FHIT: variants seen among roughly 807,000 people sequenced by gnomAD.
FHIT encodes fragile histidine triad diadenosine triphosphatase.
FHIT carries 19 observed loss-of-function variants against 17.9 expected under a neutral mutation model. That is an observed-to-expected ratio of 1.06 (90% confidence interval 0.74 to 1.56). The LOEUF (loss-of-function observed/expected upper bound fraction) is 1.56, where lower values mean the gene tolerates loss of function less well. Ranked by LOEUF, FHIT falls within the 40% of genes most tolerant of loss-of-function variation. FHIT has a pLI of 0.00. For synonymous variants in FHIT, 81 were observed against 69.7 expected (o/e 1.16, Z -0.81); for missense variants, 248 against 189.2 (o/e 1.31, Z -1.82).
chr3:60,127,260 A>T (rs1276794161), intron 5 of FHIT, among the ~76,000 whole-genome samples: 1 of 152,182 alleles, frequency 6.6e-6, no homozygotes, highest in East Asian at 1.9e-4. Flanking sequence ...ATTAATGAGT[A>T]CCCAGACCTT....
intron 5 of FHIT, among the ~76,000 whole-genome samples, chr3:60,383,119 A>G (rs1700873167): frequency 6.6e-6 from 1 of 152,206 alleles, no homozygotes; most frequent in South Asian, 2.1e-4. Flanking sequence ...GGCATTGAAA[A>G]CAGAGCGACA....
chr3:59,856,609 C>T (rs1702167915), intron 8 of FHIT, among the ~76,000 whole-genome samples: 1 of 152,168 alleles, frequency 6.6e-6, no homozygotes. Context: ...TTCCAATATA[C>T]AAGTAGCAGT....
intron 3 of FHIT, among the ~76,000 whole-genome samples, chr3:60,871,451 C>T (rs1019628263): frequency 6.6e-6 from 1 of 152,058 alleles, no homozygotes; most frequent in African/African-American, 2.4e-5. Context: ...AATAACATAA[C>T]ACTGTCACCA....
At chr3:59,846,238 C>A (rs1489756609) in intron 8 of FHIT, among the ~76,000 whole-genome samples, 7 of 151,818 alleles carry the variant, frequency 4.6e-5, no homozygotes, top group Non-Finnish European at 7.4e-5. Context: ...GATTAAATTC[C>A]TTTTCGATTT....
intron 4 of FHIT, among the ~76,000 whole-genome samples, chr3:60,772,188 G>T (rs1700066961): frequency 6.6e-6 from 1 of 152,026 alleles, no homozygotes; most frequent in Non-Finnish European, 1.5e-5. Context: ...ATTTGGAATG[G>T]TTTTGCCCCC....
At chr3:59,949,517 G>C (rs10470622) in intron 7 of FHIT, among the ~76,000 whole-genome samples, 2 of 152,194 alleles carry the variant, frequency 1.3e-5, no homozygotes, top group Non-Finnish European at 2.9e-5. Flanking sequence ...CCATGGATAC[G>C]CAGGCTTGGG....
intron 3 of FHIT, among the ~76,000 whole-genome samples, chr3:60,861,200 A>G (rs781838687): frequency 2.6e-4 from 1 of 3,878 alleles, no homozygotes; most frequent in African/African-American, 9.1e-4. Context: ...TATATCATAT[A>G]TGATATATAT....
chr3:60,286,939 A>G (rs1259984436), intron 5 of FHIT, among the ~76,000 whole-genome samples: 1 of 152,196 alleles, frequency 6.6e-6, no homozygotes, highest in Non-Finnish European at 1.5e-5. Context: ...TTTTATATCT[A>G]CAGAGCAGAG....
At chr3:60,908,987 T>C (rs1706579062) in intron 3 of FHIT, among the ~76,000 whole-genome samples, 1 of 152,216 alleles carries the variant, frequency 6.6e-6, no homozygotes, top group Non-Finnish European at 1.5e-5. Context: ...ATTTTTAATG[T>C]AATTTTAATT....
intron 7 of FHIT, among the ~76,000 whole-genome samples, chr3:59,957,556 G>C (rs1159054259): frequency 6.6e-6 from 1 of 152,228 alleles, no homozygotes; most frequent in Non-Finnish European, 1.5e-5. Context: ...TCAGCACAAG[G>C]TAAGTATGCA....
At chr3:60,422,682 A>T (rs1227119461) in intron 5 of FHIT, among the ~76,000 whole-genome samples, 1 of 152,102 alleles carries the variant, frequency 6.6e-6, no homozygotes, top group Non-Finnish European at 1.5e-5. Context: ...GTAATGGAGA[A>T]AAAAGACTTA....
chr3:60,379,092 A>T (rs1017459599), intron 5 of FHIT, among the ~76,000 whole-genome samples: 1 of 152,226 alleles, frequency 6.6e-6, no homozygotes, highest in African/African-American at 2.4e-5. Flanking sequence ...TGAAAATGAG[A>T]GCACATTACT....
Position 60,154,743 on chromosome 3 carries a change from C to T in FHIT, c.104-140591G>A, listed in dbSNP as rs138951220. ...CACAATTAATCATTTTCTTCTACTA[C>T]ATAATCTCTGTGACAGTTTACTTAT... is the stretch of plus-strand genomic sequence containing the variant. On this transcript the variant is annotated intron_variant, in intron 5 of 9. Coordinates refer to ENST00000492590, the MANE Select transcript of FHIT (RefSeq NM_002012.4). Among the ~76,000 whole-genome samples, 285 of 152,296 alleles carry T rather than the reference C, an allele frequency of 1.9e-3. 2 individuals carry two copies. Among genetic ancestry groups the T allele is most frequent in the African/African-American group, 6.5e-3 (271 of 41,564 alleles).
chr3:61,223,526 C>T (rs1007749219), intron 1 of FHIT, among the ~76,000 whole-genome samples: 2 of 152,202 alleles, frequency 1.3e-5, no homozygotes, highest in African/African-American at 4.8e-5. Context: ...CTGACATTTT[C>T]TTTGGGGTAC....
intron 5 of FHIT, among the ~76,000 whole-genome samples, chr3:60,370,717 C>T (rs2107055668): frequency 6.6e-6 from 1 of 152,272 alleles, no homozygotes; most frequent in African/African-American, 2.4e-5. Flanking sequence ...CCCTCTGTTT[C>T]CATCTCTGCT....
chr3:59,995,975 TGAA>T (rs772083607), intron 7 of FHIT, among the ~76,000 whole-genome samples: 1 of 151,994 alleles, frequency 6.6e-6, no homozygotes, highest in African/African-American at 2.4e-5. Context: ...CTACTATAGA[TGAA>T]GAAGAAGAGA....
At chr3:59,834,889 A>G (rs1424699439) in intron 8 of FHIT, among the ~76,000 whole-genome samples, 1 of 152,236 alleles carries the variant, frequency 6.6e-6, no homozygotes, top group Non-Finnish European at 1.5e-5. Context: ...AAATTTAATC[A>G]AATCATTAGC....
At chr3:59,981,359 A>G (rs1708647312) in intron 7 of FHIT, among the ~76,000 whole-genome samples, 1 of 152,136 alleles carries the variant, frequency 6.6e-6, no homozygotes, top group Admixed American at 6.5e-5. Flanking sequence ...CTATGTTTCT[A>G]GCTGATTAGC....
At chr3:60,455,100 C>G (rs1382432877) in intron 5 of FHIT, among the ~76,000 whole-genome samples, 1 of 151,578 alleles carries the variant, frequency 6.6e-6, no homozygotes, top group African/African-American at 2.4e-5. Context: ...ATTCAAAATA[C>G]AAATTAAGAT....
Sources: gnomAD v4.1 joint callset for allele counts (sites outside exome capture counted in the v4.1 genomes callset) on GRCh38, gnomAD v4.1.1 for gene constraint, MANE v1.5 for transcripts, NCBI Gene and HGNC (gene_info 2026-07-23, HGNC 2026-07-21) for gene names.